The following RALGPS2 variants were observed in gnomAD, a reference collection of about 807,000 sequenced individuals.
The protein encoded by RALGPS2 is Ral GEF with PH domain and SH3 binding motif 2.
In RALGPS2, 43 loss-of-function variants were observed where a neutral mutation model predicts 86.8. That is an observed-to-expected ratio of 0.50 (90% confidence interval 0.39 to 0.64). RALGPS2 has a LOEUF of 0.64. Among genes scored for constraint, RALGPS2 ranks in the 30% least tolerant of loss-of-function variants. The pLI is 0.00. For missense variants in RALGPS2, 536 were observed against 694.6 expected (o/e 0.77, Z 2.57); for synonymous variants, 243 against 231.3 (o/e 1.05, Z -0.46).
chr1:178,782,250 C>A (rs1410010911), intron 2 of RALGPS2, among the ~76,000 whole-genome samples: 1 of 152,092 alleles, frequency 6.6e-6, no homozygotes, highest in East Asian at 1.9e-4. Context: ...CTTGGGTGTC[C>A]AGTCTTAGAT....
intron 11 of RALGPS2, among the ~76,000 whole-genome samples, chr1:178,884,150 T>TA (rs1406332895): frequency 2.0e-5 from 3 of 152,226 alleles, no homozygotes; most frequent in Non-Finnish European, 4.4e-5. Flanking sequence ...GAAGGTTGAT[T>TA]ACACTAGAAA....
In RALGPS2 at chr1:178,889,442, C is replaced by T. The variant is rs114002914; in HGVS notation, c.1193-200C>T. Among the ~76,000 whole-genome samples, 424 of 151,944 alleles carry T rather than the reference C, an allele frequency of 2.8e-3. 3 individuals are homozygous for T. The highest frequency in any genetic ancestry group is 6.6e-3 in the Admixed American group (100 of 15,252). ...ATGCTATTTTGTTATTTTAGGTTGTCGTGTCAACTGTATTCCAATATATTG... is the reference window on the plus strand; with the variant it reads ...ATGCTATTTTGTTATTTTAGGTTGTTGTGTCAACTGTATTCCAATATATTG... On this transcript the variant is annotated intron_variant, in intron 13 of 19. Transcript: ENST00000367635.
intron 8 of RALGPS2, among the ~76,000 whole-genome samples, chr1:178,867,791 T>C (rs1354987035): frequency 2.0e-5 from 3 of 151,878 alleles, no homozygotes; most frequent in East Asian, 3.8e-4. Context: ...CTGATAGTTA[T>C]ATATCTAACC....
Position 178,902,633 on chromosome 1 carries a change from TAAGTTCTGA to T in RALGPS2, c.1630+427_1630+435del, listed in dbSNP as rs368761650. Among the ~76,000 whole-genome samples the T allele has an allele frequency of 3.3e-3, 496 of 152,276 alleles. 5 individuals are homozygous for T. Among genetic ancestry groups the T allele is most frequent in the African/African-American group, 0.011 (444 of 41,572 alleles). Reference sequence around the variant, plus strand: ...ATACCTTGAAATGGATTGTTATTCTTAAGTTCTGAAAGTGGCAGAGTTTTCCTTTAAATA... The same window carrying T: ...ATACCTTGAAATGGATTGTTATTCTTAAGTGGCAGAGTTTTCCTTTAAATA... On this transcript the variant is annotated intron_variant, in intron 18 of 19. Transcript: ENST00000367635.
At chr1:178,744,486 C>T (rs1651198692) in intron 1 of RALGPS2, among the ~76,000 whole-genome samples, 2 of 152,078 alleles carry the variant, frequency 1.3e-5, no homozygotes, top group African/African-American at 2.4e-5. Flanking sequence ...TCACAGTGTA[C>T]TGGAGGTTCA....
At chr1:178,819,480 A>C (rs997075996) in intron 6 of RALGPS2, among the ~76,000 whole-genome samples, 1 of 152,102 alleles carries the variant, frequency 6.6e-6, no homozygotes, top group Non-Finnish European at 1.5e-5. Context: ...TGCTTTATGC[A>C]ATGAGAGTCT....
chr1:178,857,579 A>G (rs182115327), intron 8 of RALGPS2, among the ~76,000 whole-genome samples: 16 of 152,312 alleles, frequency 1.1e-4, no homozygotes, highest in Admixed American at 6.5e-4. Context: ...TTTAAAACCT[A>G]TTAGTATTAT....
Position 178,725,389 on chromosome 1 carries a change from G to T in RALGPS2, c.-114G>T. 1 of 151,312 alleles carries T rather than the reference G, an allele frequency of 6.6e-6. No homozygotes were observed. Among genetic ancestry groups the T allele is most frequent in the Non-Finnish European group, 1.5e-5 (1 of 68,772 alleles). 9.4% of individuals were successfully genotyped at this position (151,312 alleles called of 1,614,324 possible). A position where few individuals can be genotyped will look rare whatever the true frequency, so the allele number is the denominator to read the frequency against. Reference sequence around the variant, plus strand: ...AGCGTGAGGCCGGCATCGTCTTTCCGTCCTCTGAGGCGACGGCCGCGGCTG... The same window carrying T: ...AGCGTGAGGCCGGCATCGTCTTTCCTTCCTCTGAGGCGACGGCCGCGGCTG... On this transcript the variant is annotated 5_prime_UTR_variant, in exon 1 of 20. Transcript: ENST00000367635.
intron 6 of RALGPS2, among the ~76,000 whole-genome samples, chr1:178,817,752 T>C (rs1655306328): frequency 6.6e-6 from 1 of 152,194 alleles, no homozygotes; most frequent in African/African-American, 2.4e-5. Context: ...ACAAACATGG[T>C]TTATTTCTGT....
chr1:178,831,724 A>G (rs1166512677), intron 7 of RALGPS2, among the ~76,000 whole-genome samples: 1 of 151,766 alleles, frequency 6.6e-6, no homozygotes, highest in Admixed American at 6.6e-5. Context: ...TGAAAAGAAG[A>G]AAGAAAAGGC....
chr1:178,885,400 A>G, intron 12 of RALGPS2, 189 bp downstream of exon 12: 1 of 579,880 alleles, frequency 1.7e-6, no homozygotes, highest in South Asian at 2.5e-5. Flanking sequence ...GAATTTGGAA[A>G]TGGGATTTTG....
chr1:178,858,257 T>C (rs1044921049), intron 8 of RALGPS2, among the ~76,000 whole-genome samples: 17 of 152,182 alleles, frequency 1.1e-4, no homozygotes, highest in Non-Finnish European at 2.2e-4. Flanking sequence ...TATTTTCTCA[T>C]TATTACTTGA....
At chr1:178,900,246 A>G (rs181231103) in intron 17 of RALGPS2, among the ~76,000 whole-genome samples, 79 of 152,108 alleles carry the variant, frequency 5.2e-4, no homozygotes, top group South Asian at 1.9e-3. Context: ...AGTGGGACAT[A>G]TGGAAGTCTG....
intron 4 of RALGPS2, among the ~76,000 whole-genome samples, chr1:178,804,546 C>T (rs535900922): frequency 0.022 from 2,923 of 134,090 alleles, 101 homozygotes; most frequent in African/African-American, 0.077. Flanking sequence ...TTTGTTCTTG[C>T]GATAGTTTAC....
At position 178,782,356 on chromosome 1, in the gene RALGPS2, CAGG is replaced by C. The variant is rs1433139433; in HGVS notation, c.58-2054_58-2052del. Among the ~76,000 whole-genome samples the C allele has an allele frequency of 3.9e-5, 6 of 152,136 alleles. 1 individual carries two copies. The East Asian group carries it at 9.6e-4, about 24-fold the overall frequency. ...GAGAAAAATTCACTTCTGCTTCTAG[CAGG>C]AGGAGGAAAGAAGCAGCCATTTTGA... On this transcript the variant is annotated intron_variant, in intron 2 of 19. Coordinates refer to ENST00000367635, the MANE Select transcript of RALGPS2 (RefSeq NM_152663.5).
Position 178,911,955 on chromosome 1 carries a change from T to C in RALGPS2, c.1723-4375T>C, listed in dbSNP as rs188272782. Reference sequence around the variant, plus strand: ...GGATGAATTGAACCCTTTATCATTATGTAATGCCCTTCTTTGTCCTTTTTG... The same window carrying C: ...GGATGAATTGAACCCTTTATCATTACGTAATGCCCTTCTTTGTCCTTTTTG... On this transcript the variant is annotated intron_variant, in intron 19 of 19. Coordinates refer to ENST00000367635, the MANE Select transcript of RALGPS2 (RefSeq NM_152663.5). Among the ~76,000 whole-genome samples, 503 of 152,344 alleles carry C rather than the reference T, an allele frequency of 3.3e-3. 1 individual carries two copies. Among genetic ancestry groups the C allele is most frequent in the Non-Finnish European group, 5.1e-3 (350 of 68,020 alleles).
At chr1:178,838,060 C>T (rs1031387177) in intron 8 of RALGPS2, among the ~76,000 whole-genome samples, 4 of 152,220 alleles carry the variant, frequency 2.6e-5, no homozygotes, top group African/African-American at 9.6e-5. Context: ...CCCACCGCAG[C>T]TCAAGGAGGC....
Position 178,917,334 on chromosome 1 carries a change from C to T in RALGPS2, c.*975C>T, listed in dbSNP as rs1252816805. On this transcript the variant is annotated 3_prime_UTR_variant, in exon 20 of 20. Coordinates refer to ENST00000367635, the MANE Select transcript of RALGPS2 (RefSeq NM_152663.5). ...TCATCAAGACAGACTGATATTTTGT[C>T]AGGATATTTTCTTTTACAGTGTTTG... The T allele has an allele frequency of 1.3e-5, 2 of 152,060 alleles. No homozygotes were observed. Among genetic ancestry groups the T allele is most frequent in the Non-Finnish European group, 2.9e-5 (2 of 67,988 alleles). 9.4% of individuals were successfully genotyped at this position (152,060 alleles called of 1,614,324 possible).
chr1:178,885,041 A>T, intron 11 of RALGPS2, 35 bp from the exon 12 acceptor site: 1 of 1,534,852 alleles, frequency 6.5e-7, no homozygotes, highest in South Asian at 1.3e-5. Flanking sequence ...AAAATAAAGT[A>T]ATCATTTGAA....
Sources: gnomAD v4.1 joint callset for allele counts (sites outside exome capture counted in the v4.1 genomes callset) on GRCh38, gnomAD v4.1.1 for gene constraint, MANE v1.5 for transcripts, NCBI Gene and HGNC (gene_info 2026-07-23, HGNC 2026-07-21) for gene names.